The following TSPAN7 variants were observed in gnomAD, a reference collection of about 807,000 sequenced individuals.
The protein encoded by TSPAN7 is tetraspanin 7, also known as tetraspanin-7.
TSPAN7 carries 1 observed loss-of-function variant against 17.6 expected under a neutral mutation model. That is an observed-to-expected ratio of 0.06 (90% CI 0.02 to 0.27). The LOEUF (loss-of-function observed/expected upper bound fraction) is 0.27. TSPAN7 is among the 10% of genes least tolerant of loss of function. The pLI is 1.00. For synonymous variants in TSPAN7, 78 were observed against 79.0 expected, an observed-to-expected ratio of 0.99 and a Z score of 0.07; for missense variants, 112 against 201.7, an observed-to-expected ratio of 0.56 and a Z score of 2.69.
chrX:38,682,017 C>T (rs2147458495), intron 6 of TSPAN7, among the ~76,000 whole-genome samples: 1 of 111,863 alleles, frequency 8.9e-6, no homozygotes, highest in South Asian at 3.8e-4. Context: ...AATGATACAT[C>T]CTTGCTATAA....
At chrX:38,660,675 A>G (rs1213869058) in intron 1 of TSPAN7, among the ~76,000 whole-genome samples, 2 of 112,191 alleles carry the variant, frequency 1.8e-5, no homozygotes, top group East Asian at 2.8e-4. Context: ...TTGTGGGTCA[A>G]CTAAAATGCA....
In TSPAN7 at chrX:38,616,652, C is replaced by T. The variant is rs749322048; in HGVS notation, c.82-49469C>T. 2.0e-4 allele frequency among the ~76,000 whole-genome samples: 22 copies of T among 112,206 alleles called. No individual in the cohort carries two copies. In the East Asian group the frequency reaches 5.3e-3, roughly 27 times the overall value. ...AACAAAATAAGGTGGGTTGGACAAG[C>T]TTGATCTATGGAGTACCCGTTGCCT... is the stretch of plus-strand genomic sequence containing the variant. On this transcript the variant is annotated intron_variant, in intron 1 of 7. Coordinates refer to ENST00000378482, the MANE Select transcript of TSPAN7 (RefSeq NM_004615.4).
At position 38,687,664 on chromosome X, in the gene TSPAN7, G is replaced by A. The variant is rs748721586; in HGVS notation, c.747G>A (p.Val249=). The stretch of plus-strand genomic sequence containing the variant: ...TCACGGCCAATCAGTATGAGATGGT[G>A]TAAGGAGAAGGTAGGTGACAGTGGG... ...RFITANQYEM[V] The change falls in exon 7 of 8, where the codon GTG becomes GTA. Residue 249 remains valine, a synonymous_variant. Transcript: ENST00000378482. 8 of 1,207,492 alleles carry A rather than the reference G, an allele frequency of 6.6e-6. No individual in the cohort carries two copies. In the East Asian group the frequency reaches 2.4e-4, roughly 36 times the overall value.
chrX:38,563,792 ACCAAAG>A (rs1212896231), intron 1 of TSPAN7, among the ~76,000 whole-genome samples: 6 of 111,707 alleles, frequency 5.4e-5, no homozygotes, highest in African/African-American at 2.0e-4. Context: ...TAGTTTAAAT[ACCAAAG>A]CCAGTTCTGG....
chrX:38,666,060 G>T (rs2069779926), intron 1 of TSPAN7, 61 bp from the exon 2 acceptor site: 1 of 1,153,538 alleles, frequency 8.7e-7, no homozygotes, highest in Non-Finnish European at 1.2e-6. Flanking sequence ...TGGCCACATT[G>T]CTCTGTGCTG....
At chrX:38,607,108 A>G (rs2069388173) in intron 1 of TSPAN7, among the ~76,000 whole-genome samples, 1 of 111,650 alleles carries the variant, frequency 9.0e-6, no homozygotes, top group African/African-American at 3.3e-5. Flanking sequence ...AGCTTGTTAG[A>G]TATGATTTGC....
chrX:38,562,397 T>C (rs1457869536), intron 1 of TSPAN7, among the ~76,000 whole-genome samples: 1 of 110,979 alleles, frequency 9.0e-6, no homozygotes, highest in Non-Finnish European at 1.9e-5. Flanking sequence ...TCCCCTCCAC[T>C]TGGTGATAGA....
chrX:38,665,716 T>C (rs6610175), intron 1 of TSPAN7, among the ~76,000 whole-genome samples: 2 of 112,283 alleles, frequency 1.8e-5, no homozygotes, highest in East Asian at 5.6e-4. Context: ...CCATAAAATA[T>C]ACTGTGTACA....
chrX:38,607,445 T>A (rs1396187318), intron 1 of TSPAN7, among the ~76,000 whole-genome samples: 1 of 111,136 alleles, frequency 9.0e-6, no homozygotes, highest in African/African-American at 3.3e-5. Context: ...AGCTTCTTAC[T>A]CTATAATAGT....
chrX:38,637,421 T>G (rs17320984), intron 1 of TSPAN7, among the ~76,000 whole-genome samples: 9,792 of 111,946 alleles, frequency 0.087, 381 homozygotes, highest in East Asian at 0.24. Context: ...TCTTGTGTCC[T>G]TGCTCCTAGA....
chrX:38,588,597 T>G (rs112849542), intron 1 of TSPAN7, among the ~76,000 whole-genome samples: 4,958 of 112,053 alleles, frequency 0.044, 231 homozygotes, highest in African/African-American at 0.14. Flanking sequence ...TATGTAATCT[T>G]GGGATGAATT....
intron 1 of TSPAN7, among the ~76,000 whole-genome samples, chrX:38,574,424 T>C (rs953120063): frequency 7.1e-5 from 8 of 112,033 alleles, no homozygotes; most frequent in Non-Finnish European, 1.3e-4. Flanking sequence ...TTTTTATTAT[T>C]TTAGCATAAG....
chrX:38,562,831 G>T (rs2069121172), intron 1 of TSPAN7: 1 of 348,011 alleles, frequency 2.9e-6, no homozygotes, highest in Admixed American at 5.2e-5. Flanking sequence ...CCCAAATCTG[G>T]GTCATTTTAG....
intron 1 of TSPAN7, among the ~76,000 whole-genome samples, chrX:38,578,459 A>G (rs1320793018): frequency 9.0e-6 from 1 of 111,717 alleles, no homozygotes; most frequent in East Asian, 2.8e-4. Flanking sequence ...TTTAGTTTAT[A>G]TCCTTCAGAG....
At chrX:38,592,404 A>AT (rs2069297183) in intron 1 of TSPAN7, among the ~76,000 whole-genome samples, 1 of 111,727 alleles carries the variant, frequency 9.0e-6, no homozygotes, top group African/African-American at 3.2e-5. Context: ...AATTGTTTAT[A>AT]TTTTTAGGTT....
chrX:38,600,511 C>T (rs1473733455), intron 1 of TSPAN7, among the ~76,000 whole-genome samples: 1 of 111,648 alleles, frequency 9.0e-6, no homozygotes, highest in Non-Finnish European at 1.9e-5. Context: ...GCAAGGGAAG[C>T]ACGTAAGCTC....
chrX:38,644,084 A>T (rs920782747), intron 1 of TSPAN7, among the ~76,000 whole-genome samples: 1 of 111,518 alleles, frequency 9.0e-6, no homozygotes, highest in African/African-American at 3.3e-5. Flanking sequence ...TAATAAAATT[A>T]ACGGGGCCCA....
chrX:38,639,020 AC>A (rs1455722458), intron 1 of TSPAN7, among the ~76,000 whole-genome samples: 1 of 111,094 alleles, frequency 9.0e-6, no homozygotes, highest in Admixed American at 9.6e-5. Flanking sequence ...TCTTTACGAC[AC>A]CCTTTGCCTC....
chrX:38,563,037 A>G (rs192672481), intron 1 of TSPAN7: 4 of 969,150 alleles, frequency 4.1e-6, no homozygotes, highest in African/African-American at 4.0e-5. Flanking sequence ...ACTGTTTGCA[A>G]TGGTCAAGGA....
Sources: gnomAD v4.1 joint callset for allele counts (sites outside exome capture counted in the v4.1 genomes callset) on GRCh38, gnomAD v4.1.1 for gene constraint, MANE v1.5 for transcripts, NCBI Gene and HGNC (gene_info 2026-07-23, HGNC 2026-07-21) for gene names.